DNAAF2: variants seen among roughly 807,000 people sequenced by gnomAD.
DNAAF2 encodes dynein axonemal assembly factor 2, also known as protein kintoun.
In DNAAF2, 58 loss-of-function variants were observed where a neutral mutation model predicts 48.8. That is an observed-to-expected ratio of 1.19 (90% confidence interval 0.96 to 1.48). The LOEUF (loss-of-function observed/expected upper bound fraction) is 1.48. Ranked by LOEUF, DNAAF2 falls within the 40% of genes most tolerant of loss-of-function variation. The pLI, the probability that DNAAF2 is intolerant of heterozygous loss-of-function variation, is 0.00. For missense variants in DNAAF2, 1,241 were observed against 1,116.1 expected, an observed-to-expected ratio of 1.11 and a Z score of -1.59; for synonymous variants, 567 against 481.2, an observed-to-expected ratio of 1.18 and a Z score of -2.33.
chr14:49,633,179 C>T, intron 1 of DNAAF2, 108 bp downstream of exon 1: 1 of 1,348,886 alleles, frequency 7.4e-7, no homozygotes, highest in Non-Finnish European at 1.0e-6. Context: ...CTCGGCCTCC[C>T]AAAATGCTGG....
rs1883229189 is a variant in DNAAF2, at chr14:49,633,652, C to T, written c.1498G>A (p.Gly500Ser). The T allele has an allele frequency of 1.2e-6, 2 of 1,612,498 alleles. No individual in the cohort carries two copies. The highest frequency in any genetic ancestry group is 1.7e-6 in the Non-Finnish European group (2 of 1,179,016). ...SSVETREESE[G>S]TGGQRSACAM... Reference sequence around the variant, plus strand: ...CAGGCTGAGCGCTGGCCGCCCGTGCCCTCCGACTCCTCGCGTGTTTCCACA... The same window carrying T: ...CAGGCTGAGCGCTGGCCGCCCGTGCTCTCCGACTCCTCGCGTGTTTCCACA... Residue 500 changes from glycine to serine, a missense_variant, in exon 1 of 3, where the codon GGC becomes AGC. Coordinates refer to ENST00000298292, the MANE Select transcript of DNAAF2 (RefSeq NM_018139.3).
In DNAAF2 at chr14:49,634,041, G is replaced by A; in HGVS notation, c.1109C>T (p.Ala370Val). The change falls in exon 1 of 3, where the codon GCG becomes GTG. Residue 370 changes from alanine (A) to valine (V), a missense_variant. Physicochemically the swap from Ala to Val is moderately conservative, Grantham distance 64 (BLOSUM62 0). Coordinates refer to ENST00000298292, the MANE Select transcript of DNAAF2 (RefSeq NM_018139.3). ...AVAAAAPEES[A>V]DRSGTDGQAC... The stretch of plus-strand genomic sequence containing the variant: ...CTGGCCGTCAGTTCCGGACCGGTCC[G>A]CGGACTCTTCCGGCGCGGCGGCGGC... 1 of 1,519,658 alleles carries A rather than the reference G, an allele frequency of 6.6e-7. No individual in the cohort carries two copies. The highest frequency in any genetic ancestry group is 1.2e-5 in the South Asian group (1 of 80,468). The allele number at this position is 1,519,658 out of a possible 1,614,324, so 94.1% of individuals were successfully genotyped here. A position where few individuals can be genotyped will look rare whatever the true frequency, so the allele number is the denominator to read the frequency against.
Position 49,634,075 on chromosome 14 carries a change from C to T in DNAAF2, c.1075G>A (p.Val359Ile). ...VLPAARREPA[V>I]AVAAAAPEES... ...TCCGGCGCGGCGGCGGCGACGGCGA[C>T]AGCGGGCTCCCGGCGCGCGGCCGGC... The change falls in exon 1 of 3, where the codon GTC becomes ATC. Residue 359 changes from valine to isoleucine, a missense_variant. Coordinates refer to ENST00000298292, the MANE Select transcript of DNAAF2 (RefSeq NM_018139.3). 1 of 1,535,624 alleles carries T rather than the reference C, an allele frequency of 6.5e-7. No individual in the cohort carries two copies. Among genetic ancestry groups the T allele is most frequent in the South Asian group, 1.2e-5 (1 of 83,170 alleles).
chr14:49,631,216 A>T (rs60285336), intron 1 of DNAAF2, among the ~76,000 whole-genome samples: 2,037 of 152,350 alleles, frequency 0.013, 46 homozygotes, highest in African/African-American at 0.046. Context: ...AGCATTTCTA[A>T]GGTTCATGCC....
In DNAAF2 at chr14:49,634,857, A is replaced by G; in HGVS notation, c.293T>C (p.Val98Ala). 1 of 1,546,978 alleles carries G rather than the reference A, an allele frequency of 6.5e-7. No individual in the cohort carries two copies. The highest frequency in any genetic ancestry group is 8.7e-7 in the Non-Finnish European group (1 of 1,145,796). The change falls in exon 1 of 3, where the codon GTG (valine) becomes GCG (alanine). Residue 98 changes from valine to alanine, a missense_variant. By Grantham distance (64) the Val-to-Ala change is moderately conservative (BLOSUM62 0). Transcript: ENST00000298292. ...GCCGGGCCGGCTGCTGGGCGCGCCC[A>G]CCAACGCGTTGCTGCAGACATTCAC... ...CFVNVCSNAL[V>A]GAPSSRPGSG...
intron 1 of DNAAF2, among the ~76,000 whole-genome samples, chr14:49,628,580 G>A (rs572726040): frequency 6.6e-5 from 10 of 152,096 alleles, no homozygotes; most frequent in African/African-American, 2.4e-4. Flanking sequence ...CCAGACTACC[G>A]AGTAGCTGGG....
chr14:49,627,328 C>G (rs1302906490), intron 2 of DNAAF2, among the ~76,000 whole-genome samples: 1 of 152,108 alleles, frequency 6.6e-6, no homozygotes, highest in Admixed American at 6.5e-5. Context: ...TTTGCATCTT[C>G]AATACTGAAG....
chr14:49,630,107 T>C (rs567386242), intron 1 of DNAAF2, among the ~76,000 whole-genome samples: 404 of 152,094 alleles, frequency 2.7e-3, no homozygotes, highest in Non-Finnish European at 2.2e-3. Context: ...AGCATGCACC[T>C]GTGGTCCTAG....
rs886050529 is a variant in DNAAF2 at position 49,634,763 on chromosome 14, G to T, written c.387C>A (p.Arg129=). The T allele has an allele frequency of 8.2e-6, 13 of 1,594,012 alleles. No individual in the cohort carries two copies. Among genetic ancestry groups the T allele is most frequent in the Non-Finnish European group, 1.1e-5 (13 of 1,174,412 alleles). ...GGCTGCTGCTGCGCCCCGCGTACTC[G>T]CGGCCGGGCGCCAGGCTGTAGGGCA... ...WSLPYSLAPG[R]EYAGRSSSRY... The change falls in exon 1 of 3, where the codon CGC becomes CGA. Residue 129 remains arginine, a synonymous_variant. Coordinates refer to ENST00000298292, the MANE Select transcript of DNAAF2 (RefSeq NM_018139.3).
At position 49,628,007 on chromosome 14, in the gene DNAAF2, C is replaced by T. The variant is rs757313579; in HGVS notation, c.2007+5G>A. ...CTCCTCTATAGAGCCCATCAACTTCCTTACCTTTGCATTAATTTGAATCTT... is the reference window on the plus strand; with the variant it reads ...CTCCTCTATAGAGCCCATCAACTTCTTTACCTTTGCATTAATTTGAATCTT... On this transcript the variant is annotated splice_donor_5th_base_variant and intron_variant, in intron 2 of 2. Transcript: ENST00000298292. The T allele has an allele frequency of 2.0e-5, 31 of 1,562,326 alleles. No individual in the cohort carries two copies. In the South Asian group the frequency reaches 3.7e-4, roughly 19 times the overall value.
At position 49,625,882 on chromosome 14, in the gene DNAAF2, A is replaced by T; in HGVS notation, c.2174T>A (p.Val725Asp). The T allele has an allele frequency of 6.2e-7, 1 of 1,613,418 alleles. No individual in the cohort carries two copies. Among genetic ancestry groups the T allele is most frequent in the Non-Finnish European group, 8.5e-7 (1 of 1,179,736 alleles). Residue 725 changes from valine (V) to aspartate (D), a missense_variant, in exon 3 of 3, where the codon GTT becomes GAT. Val to Asp is a radical substitution (Grantham distance 152). Transcript: ENST00000298292. ...AAGAGACTCTTGTTGAAAGCATGTA[A>T]CTAAACCAAAGCTATCTATTTGTAG... is the stretch of plus-strand genomic sequence containing the variant. ...KALQIDSFGL[V>D]TCFQQESLDV...
chr14:49,633,712 A>G lies in DNAAF2; in HGVS notation c.1438T>C (p.Ser480Pro), dbSNP rs1010660409. The change falls in exon 1 of 3, where the codon TCT becomes CCT. Residue 480 changes from serine (S) to proline (P), a missense_variant. Transcript: ENST00000298292. The stretch of plus-strand genomic sequence containing the variant: ...CCGCGCGCACTCTCTCTTCCCGCAG[A>G]AGAACCCCACGCCAGGCTCCGGGAG... Reference protein sequence around the residue: ...LSSRSLAWGSSAGRESARGDS... With the variant: ...LSSRSLAWGSPAGRESARGDS... The G allele has an allele frequency of 1.9e-6, 3 of 1,599,998 alleles. No individual in the cohort carries two copies. The African/African-American group carries it at 4.0e-5, about 21-fold the overall frequency.
chr14:49,630,457 C>T (rs1394099646), intron 1 of DNAAF2, among the ~76,000 whole-genome samples: 9 of 151,748 alleles, frequency 5.9e-5, no homozygotes, highest in African/African-American at 1.7e-4. Flanking sequence ...TTCATTGTTG[C>T]CCCAAATAAA....
chr14:49,627,801 G>A (rs139194663), intron 2 of DNAAF2, among the ~76,000 whole-genome samples: 1,536 of 151,108 alleles, frequency 0.01, 38 homozygotes, highest in African/African-American at 0.035. Flanking sequence ...GTTGCAGTGA[G>A]ATGAGATCGC....
chr14:49,625,718 C>A lies in DNAAF2; in HGVS notation c.2338G>T (p.Glu780Ter), dbSNP rs778899267. 6.2e-7 allele frequency: 1 copy of A among 1,613,638 alleles called. No individual in the cohort carries two copies. The highest frequency in any genetic ancestry group is 8.5e-7 in the Non-Finnish European group (1 of 1,179,726). ...LNESVITEEK[E>*]TDGDHLSSLL... ...GAAGATAGGTGATCTCCATCTGTTT[C>A]TTTCTCTTCAGTTATTACTGACTCG... The change falls in exon 3 of 3, where the codon GAA (glutamate) becomes TAA (stop). Residue 780 changes from glutamate to a stop codon, truncating the protein, a stop_gained. Coordinates refer to ENST00000298292, the MANE Select transcript of DNAAF2 (RefSeq NM_018139.3). LOFTEE classifies it high-confidence loss of function.
chr14:49,632,934 G>A (rs1474206897), intron 1 of DNAAF2, among the ~76,000 whole-genome samples: 1 of 148,650 alleles, frequency 6.7e-6, no homozygotes, highest in Admixed American at 6.7e-5. Flanking sequence ...TTTGTTTTTT[G>A]TTTTTGAGAC....
chr14:49,632,049 C>G (rs1471550924), intron 1 of DNAAF2, among the ~76,000 whole-genome samples: 1 of 152,144 alleles, frequency 6.6e-6, no homozygotes, highest in Non-Finnish European at 1.5e-5. Flanking sequence ...ATCCCATTTT[C>G]GTCGTTTATT....
chr14:49,634,110 G>A lies in DNAAF2; in HGVS notation c.1040C>T (p.Pro347Leu). 2 of 1,550,306 alleles carry A rather than the reference G, an allele frequency of 1.3e-6. No homozygotes were observed. The highest frequency in any genetic ancestry group is 1.7e-6 in the Non-Finnish European group (2 of 1,148,036). The change falls in exon 1 of 3, where the codon CCA becomes CTA. Residue 347 changes from proline (P) to leucine (L), a missense_variant. By Grantham distance (98) the Pro-to-Leu change is moderately conservative. Transcript: ENST00000298292. ...CCGGCGCGCGGCCGGCAGCACCACT[G>A]GCAGCGTAACCACCAGCTGCCGCCG... is the stretch of plus-strand genomic sequence containing the variant. ...KARRQLVVTL[P>L]VVLPAARREP...
chr14:49,625,193 TTTA>T lies in DNAAF2; in HGVS notation c.*346_*348del, dbSNP rs1196231113. 1 of 154,792 alleles carries T rather than the reference TTTA, an allele frequency of 6.5e-6. No homozygotes were observed. The highest frequency in any genetic ancestry group is 6.5e-5 in the Admixed American group (1 of 15,382). The allele number at this position is 154,792 out of a possible 1,614,324, so 9.6% of individuals were successfully genotyped here. On this transcript the variant is annotated 3_prime_UTR_variant, in exon 3 of 3. Transcript: ENST00000298292. The stretch of plus-strand genomic sequence containing the variant: ...ACACAATTAGTGAATATTTTTAAAT[TTTA>T]TTAATGACAAAGCAAAATTTAACAC...
Sources: gnomAD v4.1 joint callset for allele counts (sites outside exome capture counted in the v4.1 genomes callset) on GRCh38, gnomAD v4.1.1 for gene constraint, MANE v1.5 for transcripts, NCBI Gene and HGNC (gene_info 2026-07-23, HGNC 2026-07-21) for gene names.